TBC1D2: variants seen among roughly 807,000 people sequenced by gnomAD.
TBC1D2 encodes TBC1 domain family member 2A.
Under a neutral mutation model 91.1 loss-of-function variants are expected in TBC1D2, and 58 were observed. The ratio of observed to expected loss-of-function variants is 0.64; its 90% CI spans 0.52 to 0.79. TBC1D2 has a LOEUF of 0.79. Among genes scored for constraint, TBC1D2 ranks in the 30% least tolerant of loss-of-function variants. TBC1D2 has a pLI of 0.00. For synonymous variants in TBC1D2, 482 were observed against 511.5 expected (o/e 0.94, Z 0.78); for missense variants, 1,080 against 1,208.3 (o/e 0.89, Z 1.57).
intron 3 of TBC1D2, 142 bp downstream of exon 3, chr9:98,243,852 A>C: frequency 8.3e-7 from 1 of 1,205,316 alleles, no homozygotes; most frequent in East Asian, 2.6e-5. Context: ...TAATATTTTA[A>C]AGTGATGATG....
chr9:98,233,275 A>T, intron 4 of TBC1D2, 141 bp downstream of exon 4: 2 of 1,163,594 alleles, frequency 1.7e-6, no homozygotes, highest in East Asian at 2.6e-5. Context: ...CACGCAGTCT[A>T]TGGTGTTTCA....
chr9:98,251,960 G>A (rs1829883369), intron 1 of TBC1D2, 34 bp from the exon 2 acceptor site: 2 of 1,577,788 alleles, frequency 1.3e-6, no homozygotes, highest in South Asian at 2.3e-5. Flanking sequence ...GCAAGGCCCT[G>A]TGCCTGAAGG....
At chr9:98,242,441 CAAAA>C (rs961264421) in intron 3 of TBC1D2, among the ~76,000 whole-genome samples, 2 of 76,418 alleles carry the variant, frequency 2.6e-5, no homozygotes, top group African/African-American at 4.8e-5. Flanking sequence ...ACTCCATCTC[CAAAA>C]AAAAAAAAAA....
intron 8 of TBC1D2, among the ~76,000 whole-genome samples, chr9:98,209,757 T>TCCC (rs1828772315): frequency 1.2e-4 from 1 of 8,028 alleles, no homozygotes; most frequent in Non-Finnish European, 2.6e-4. Context: ...CTTCCTTCCT[T>TCCC]TCCTTCCTTC....
intron 3 of TBC1D2, among the ~76,000 whole-genome samples, chr9:98,242,184 G>A (rs1012418321): frequency 1.3e-5 from 2 of 152,186 alleles, no homozygotes; most frequent in African/African-American, 2.4e-5. Flanking sequence ...GCTCACGTCT[G>A]TAATCCCAGC....
intron 1 of TBC1D2, 33 bp downstream of exon 1, chr9:98,255,140 G>A (rs771687042): frequency 1.9e-5 from 30 of 1,574,424 alleles, no homozygotes; most frequent in Non-Finnish European, 2.3e-5. Context: ...ACCTCACGCC[G>A]CTGGAAAGGA....
chr9:98,247,767 T>G (rs2131291926), intron 2 of TBC1D2, among the ~76,000 whole-genome samples: 1 of 149,290 alleles, frequency 6.7e-6, no homozygotes, highest in East Asian at 1.9e-4. Flanking sequence ...AAGCCCCATA[T>G]TGTGGACTCA....
At chr9:98,202,984 T>C (rs753414428) in intron 10 of TBC1D2, among the ~76,000 whole-genome samples, 19 of 152,216 alleles carry the variant, frequency 1.2e-4, no homozygotes, top group Admixed American at 6.5e-4. Flanking sequence ...GATGCAGCCA[T>C]TTTGTGACCA....
chr9:98,219,810 A>C (rs1413767814), intron 6 of TBC1D2, among the ~76,000 whole-genome samples: 1 of 152,174 alleles, frequency 6.6e-6, no homozygotes, highest in African/African-American at 2.4e-5. Flanking sequence ...GCAGCCTGTT[A>C]TATGGCATCT....
chr9:98,229,972 C>T (rs1036164486), intron 4 of TBC1D2, among the ~76,000 whole-genome samples: 12 of 152,174 alleles, frequency 7.9e-5, no homozygotes, highest in African/African-American at 2.7e-4. Flanking sequence ...TGTTTGCCAC[C>T]CACTGTTTTT....
At chr9:98,201,027 A>C (rs906074083) in intron 11 of TBC1D2, among the ~76,000 whole-genome samples, 1 of 151,890 alleles carries the variant, frequency 6.6e-6, no homozygotes, top group Non-Finnish European at 1.5e-5. Context: ...AAAAAAAAAA[A>C]AAAGAAAGAA....
chr9:98,232,637 T>G (rs1829400097), intron 4 of TBC1D2, among the ~76,000 whole-genome samples: 2 of 151,814 alleles, frequency 1.3e-5, no homozygotes, highest in East Asian at 3.9e-4. Flanking sequence ...TTTTTTACTC[T>G]GAAAAAATTA....
chr9:98,208,779 T>C lies in TBC1D2; in HGVS notation c.2039A>G (p.Asn680Ser), dbSNP rs1564235040. 3 of 1,584,338 alleles carry C rather than the reference T, an allele frequency of 1.9e-6. No homozygotes were observed. Among genetic ancestry groups the C allele is most frequent in the Middle Eastern group, 1.7e-4 (1 of 5,942 alleles). ...GGTGGGGCAGGTGAAGTGTTTGTTG[T>C]TGGGGAAGGTCCGGTTCAGGTCCAG... Reference protein sequence around the residue: ...IELDLNRTFPNNKHFTCPTSS... With the variant: ...IELDLNRTFPSNKHFTCPTSS... Residue 680 changes from asparagine (N) to serine (S), a missense_variant, in exon 9 of 13, where the codon AAC (asparagine) becomes AGC (serine). Transcript: ENST00000465784.
intron 9 of TBC1D2, among the ~76,000 whole-genome samples, chr9:98,205,857 G>A (rs1828639519): frequency 6.8e-6 from 1 of 147,644 alleles, no homozygotes; most frequent in Non-Finnish European, 1.5e-5. Context: ...CCACGGCGCC[G>A]GGCCCACACA....
At position 98,255,307 on chromosome 9, in the gene TBC1D2, A is replaced by G; in HGVS notation, c.235T>C (p.Tyr79His). 1 of 1,614,206 alleles carries G rather than the reference A, an allele frequency of 6.2e-7. No homozygotes were observed. Among genetic ancestry groups the G allele is most frequent in the Non-Finnish European group, 8.5e-7 (1 of 1,180,038 alleles). The change falls in exon 1 of 13, where the codon TAT becomes CAT. Residue 79 changes from tyrosine to histidine, a missense_variant. Physicochemically the swap from Tyr to His is moderately conservative, Grantham distance 83 (BLOSUM62 2). Coordinates refer to ENST00000465784, the MANE Select transcript of TBC1D2 (RefSeq NM_001267571.2). ...FFYDERKCQLYYSRTAQDANP... is the reference protein window; with the variant it reads ...FFYDERKCQLHYSRTAQDANP... The stretch of plus-strand genomic sequence containing the variant: ...GCATCCTGAGCGGTCCGCGAGTAAT[A>G]CAGCTGACATTTCCTTTCGTCGTAG...
chr9:98,234,579 T>G (rs1430109315), intron 3 of TBC1D2: 1 of 152,224 alleles, frequency 6.6e-6, no homozygotes, highest in Non-Finnish European at 1.5e-5. Context: ...GCCACCTGCC[T>G]GCATCCACCT....
intron 4 of TBC1D2, 170 bp from the exon 5 acceptor site, chr9:98,229,318 TAA>T: frequency 3.2e-6 from 2 of 620,086 alleles, no homozygotes; most frequent in Non-Finnish European, 5.6e-6. Context: ...TATGCACTTC[TAA>T]AAAGTTCCTA....
Position 98,251,793 on chromosome 9 carries a change from A to G in TBC1D2, c.503T>C (p.Leu168Pro). The G allele has an allele frequency of 6.3e-7, 1 of 1,583,762 alleles. No homozygotes were observed. The highest frequency in any genetic ancestry group is 8.6e-7 in the Non-Finnish European group (1 of 1,166,912). Residue 168 changes from leucine to proline, a missense_variant, in exon 2 of 13, where the codon CTC becomes CCC. Coordinates refer to ENST00000465784, the MANE Select transcript of TBC1D2 (RefSeq NM_001267571.2). Reference protein sequence around the residue: ...ALAGNGPVLHLELGQEEAELE... With the variant: ...ALAGNGPVLHPELGQEEAELE... Reference sequence around the variant, plus strand: ...GGTAGCCCATTGGGTACCTAGCTCGAGGTGCAGGACGGGCCCATTCCCAGC... The same window carrying G: ...GGTAGCCCATTGGGTACCTAGCTCGGGGTGCAGGACGGGCCCATTCCCAGC...
At chr9:98,233,674 C>T (rs1829429895) in intron 3 of TBC1D2, 125 bp from the exon 4 acceptor site, 1 of 1,447,618 alleles carries the variant, frequency 6.9e-7, no homozygotes, top group Non-Finnish European at 9.3e-7. Flanking sequence ...ACTGGTCTCC[C>T]AGACTCCAGG....
Sources: gnomAD v4.1 joint callset for allele counts (sites outside exome capture counted in the v4.1 genomes callset) on GRCh38, gnomAD v4.1.1 for gene constraint, MANE v1.5 for transcripts, NCBI Gene and HGNC (gene_info 2026-07-23, HGNC 2026-07-21) for gene names.